The following ASXL1 variants were observed in gnomAD, a reference collection of about 807,000 sequenced individuals.
ASXL1 encodes ASXL transcriptional regulator 1.
A neutral mutation model predicts 89.1 loss-of-function variants in ASXL1; 65 were observed. That is an observed-to-expected ratio of 0.73 (90% CI 0.60 to 0.90). The LOEUF is 0.90. Ranked by LOEUF, ASXL1 falls within the 40% of genes least tolerant of loss-of-function variation. The pLI is 0.00. For missense variants in ASXL1, 1,786 were observed against 1,942.9 expected (o/e 0.92, Z 1.52); for synonymous variants, 739 against 746.9 (o/e 0.99, Z 0.17).
chr20:32,424,945 C>T (rs1937795126), intron 4 of ASXL1, among the ~76,000 whole-genome samples: 1 of 152,162 alleles, frequency 6.6e-6, no homozygotes. Context: ...CTCCCCTACC[C>T]CCCACTGCCC....
At chr20:32,408,122 G>C (rs2123091200) in intron 4 of ASXL1, among the ~76,000 whole-genome samples, 1 of 152,020 alleles carries the variant, frequency 6.6e-6, no homozygotes, top group Non-Finnish European at 1.5e-5. Context: ...TAGTAGAGAT[G>C]GGGTTTTACC....
Position 32,429,818 on chromosome 20 carries a change from G to A in ASXL1, c.566-83G>A. 1 of 1,541,008 alleles carries A rather than the reference G, an allele frequency of 6.5e-7. No homozygotes were observed. The highest frequency in any genetic ancestry group is 1.4e-5 in the African/African-American group (1 of 73,132). On this transcript the variant is annotated intron_variant, in intron 7 of 12. Coordinates refer to ENST00000375687, the MANE Select transcript of ASXL1 (RefSeq NM_015338.6). This position sits in a 1 kb window ranked among gnomAD's most constrained non-coding sequence, Gnocchi z 4.9. Reference sequence around the variant, plus strand: ...CCAGTATTGCTGGCAGCATCTCAGGGAGAGCTGGGAGAAATGAGCTTGTCT... The same window carrying A: ...CCAGTATTGCTGGCAGCATCTCAGGAAGAGCTGGGAGAAATGAGCTTGTCT...
At chr20:32,398,603 G>GTTTTTTTT (rs375341392) in intron 4 of ASXL1, among the ~76,000 whole-genome samples, 1 of 126,450 alleles carries the variant, frequency 7.9e-6, no homozygotes. Context: ...TTTTTTGTTT[G>GTTTTTTTT]TTTTTTTTTT....
intron 1 of ASXL1, 148 bp from the exon 2 acceptor site, chr20:32,366,236 G>A (rs766412321): frequency 2.4e-5 from 17 of 721,006 alleles, no homozygotes; most frequent in Non-Finnish European, 3.9e-5. Context: ...AGATATATGT[G>A]TAATTTGATT....
chr20:32,358,976 C>T, intron 1 of ASXL1, 144 bp downstream of exon 1: 1 of 935,102 alleles, frequency 1.1e-6, no homozygotes, highest in South Asian at 1.8e-5. Context: ...GGGACAGCCC[C>T]GCAAGGCGAG....
intron 4 of ASXL1, among the ~76,000 whole-genome samples, chr20:32,374,290 ACC>A (rs1343833353): frequency 1.3e-5 from 2 of 151,940 alleles, no homozygotes; most frequent in Admixed American, 1.3e-4. Flanking sequence ...CACTGTGCTC[ACC>A]CAGTTTTTTA....
At chr20:32,425,585 TAGTG>T (rs2011252970) in intron 4 of ASXL1, among the ~76,000 whole-genome samples, 1 of 152,242 alleles carries the variant, frequency 6.6e-6, no homozygotes, top group African/African-American at 2.4e-5. Context: ...TCCTTATTGT[TAGTG>T]AGATTAAATA....
At chr20:32,422,035 ATTT>A (rs760163749) in intron 4 of ASXL1, among the ~76,000 whole-genome samples, 7 of 135,148 alleles carry the variant, frequency 5.2e-5, no homozygotes, top group Non-Finnish European at 9.7e-5. Context: ...CTCCTGGCTA[ATTT>A]TTTTTTTTTT....
intron 4 of ASXL1, among the ~76,000 whole-genome samples, chr20:32,374,291 C>A (rs1031404374): frequency 6.6e-6 from 1 of 151,936 alleles, no homozygotes; most frequent in Non-Finnish European, 1.5e-5. Flanking sequence ...ACTGTGCTCA[C>A]CCAGTTTTTT....
intron 4 of ASXL1, among the ~76,000 whole-genome samples, chr20:32,383,516 C>G (rs1267049353): frequency 6.6e-6 from 1 of 152,024 alleles, no homozygotes; most frequent in Non-Finnish European, 1.5e-5. Flanking sequence ...ACTGTGTTTG[C>G]CAGGATGGTC....
At chr20:32,404,890 A>T (rs565641591) in intron 4 of ASXL1, among the ~76,000 whole-genome samples, 1 of 152,316 alleles carries the variant, frequency 6.6e-6, no homozygotes, top group Non-Finnish European at 1.5e-5. Context: ...TGATATAAAT[A>T]ATTATGCTTT....
Position 32,432,741 on chromosome 20 carries a change from AG to A in ASXL1, c.980-138del, listed in dbSNP as rs2011558543. The A allele has an allele frequency of 2.8e-6, 3 of 1,053,362 alleles. No homozygotes were observed. The Admixed American group carries it at 6.3e-5, about 22-fold the overall frequency. The allele number at this position is 1,053,362 out of a possible 1,614,324, so 65.3% of individuals were successfully genotyped here. The stretch of plus-strand genomic sequence containing the variant: ...GAATTTCCCTTATAGTAGATGTGTT[AG>A]CTCTGTCCCTATAAGAGCATGATGT... On this transcript the variant is annotated intron_variant, in intron 10 of 12. Coordinates refer to ENST00000375687, the MANE Select transcript of ASXL1 (RefSeq NM_015338.6).
chr20:32,397,018 C>T (rs916045104), intron 4 of ASXL1, among the ~76,000 whole-genome samples: 1 of 146,720 alleles, frequency 6.8e-6, no homozygotes, highest in Non-Finnish European at 1.5e-5. Flanking sequence ...ACAAAAAAAA[C>T]TCACTGTGGC....
intron 4 of ASXL1, among the ~76,000 whole-genome samples, chr20:32,370,387 C>A (rs888318773): frequency 2.0e-5 from 3 of 151,596 alleles, no homozygotes; most frequent in Non-Finnish European, 4.4e-5. Flanking sequence ...GCAGCCATAC[C>A]CAAATGAATG....
At chr20:32,416,828 A>G (rs1281921229) in intron 4 of ASXL1, among the ~76,000 whole-genome samples, 5 of 152,262 alleles carry the variant, frequency 3.3e-5, no homozygotes, top group Admixed American at 1.3e-4. Context: ...TGAGAAAAAT[A>G]TAAAACTTAT....
chr20:32,433,130 GT>G, intron 11 of ASXL1, 145 bp downstream of exon 11: 1 of 1,531,438 alleles, frequency 6.5e-7, no homozygotes, highest in Non-Finnish European at 8.8e-7. Context: ...GCCATTCATA[GT>G]GAAGCTAACA....
chr20:32,434,550 C>A lies in ASXL1; in HGVS notation c.1838C>A (p.Thr613Asn). 1 of 1,613,840 alleles carries A rather than the reference C, an allele frequency of 6.2e-7. No homozygotes were observed. Among genetic ancestry groups the A allele is most frequent in the Non-Finnish European group, 8.5e-7 (1 of 1,180,030 alleles). ...SSCRGWTGAR[T>N]LADIKARALQ... is the part of the protein sequence containing the mutation. ...TGCCGGGGTTGGACTGGCGCCAGGA[C>A]CCTCGCAGACATTAAAGCCCGTGCT... Residue 613 changes from threonine (T) to asparagine (N), a missense_variant, in exon 13 of 13, where the codon ACC (threonine) becomes AAC (asparagine). Coordinates refer to ENST00000375687, the MANE Select transcript of ASXL1 (RefSeq NM_015338.6).
chr20:32,395,044 CTT>C (rs1212621313), intron 4 of ASXL1, among the ~76,000 whole-genome samples: 2 of 152,098 alleles, frequency 1.3e-5, no homozygotes, highest in East Asian at 3.8e-4. Flanking sequence ...GAAAAAATGT[CTT>C]TTACTTTATA....
In ASXL1 at chr20:32,427,667, G is replaced by A. The variant is rs1041830116; in HGVS notation, c.253-461G>A. On this transcript the variant is annotated intron_variant, in intron 4 of 12. Coordinates refer to ENST00000375687, the MANE Select transcript of ASXL1 (RefSeq NM_015338.6). The stretch of plus-strand genomic sequence containing the variant: ...TTAAGCAACACATCCTTTTGGATGT[G>A]TTACTTCCCTGATCGTTATTCACCT... 10 of 215,150 alleles carry A rather than the reference G, an allele frequency of 4.6e-5. No homozygotes were observed. The Admixed American group carries it at 5.2e-4, about 11-fold the overall frequency. The allele number at this position is 215,150 out of a possible 1,614,324, so 13.3% of individuals were successfully genotyped here.
Sources: allele counts gnomAD v4.1 joint callset (sites outside exome capture counted in the v4.1 genomes callset), GRCh38; gene constraint gnomAD v4.1.1; non-coding constraint Gnocchi (gnomAD v3.1); transcripts MANE v1.5; gene names NCBI Gene and HGNC (gene_info 2026-07-23, HGNC 2026-07-21).